Variants in LRRIQ1 observed in about 807,000 individuals in gnomAD.
LRRIQ1 encodes the protein leucine-rich repeat- and IQ domain-containing protein 1.
In LRRIQ1, 210 loss-of-function variants were observed where a neutral mutation model predicts 211.9. The ratio of observed to expected loss-of-function variants is 0.99; its 90% CI spans 0.89 to 1.11. LRRIQ1 has a LOEUF of 1.11. Among genes scored for constraint, LRRIQ1 ranks in the 50% most tolerant of loss-of-function variants. The pLI is 0.00. For synonymous variants in LRRIQ1, 699 were observed against 650.1 expected (o/e 1.08, Z -1.14); for missense variants, 2,136 against 1,939.5 (o/e 1.10, Z -1.90).
At chr12:85,145,352 T>C (rs965095193) in intron 19 of LRRIQ1, among the ~76,000 whole-genome samples, 3 of 151,686 alleles carry the variant, frequency 2.0e-5, no homozygotes, top group Non-Finnish European at 4.4e-5. Flanking sequence ...TTCCTTAGAT[T>C]GATTTGTTGC....
At chr12:85,158,737 T>C (rs1231691260) in intron 23 of LRRIQ1, among the ~76,000 whole-genome samples, 1 of 151,974 alleles carries the variant, frequency 6.6e-6, no homozygotes, top group Non-Finnish European at 1.5e-5. Flanking sequence ...AGATTTATGT[T>C]TATAAGGCAA....
intron 1 of LRRIQ1, among the ~76,000 whole-genome samples, chr12:85,257,211 A>G (rs1245124995): frequency 1.3e-3 from 3 of 2,256 alleles, no homozygotes; most frequent in Non-Finnish European, 2.7e-3. Context: ...ATATATATAT[A>G]AAGACTGGTT....
intron 26 of LRRIQ1, among the ~76,000 whole-genome samples, chr12:85,244,256 A>G (rs188389477): frequency 7.5e-4 from 113 of 151,570 alleles, no homozygotes; most frequent in Admixed American, 3.8e-3. Flanking sequence ...TTATCCCAAA[A>G]TTAGTATTAA....
intron 15 of LRRIQ1, among the ~76,000 whole-genome samples, chr12:85,112,179 T>C (rs1180340814): frequency 1.3e-5 from 2 of 152,036 alleles, no homozygotes; most frequent in African/African-American, 2.4e-5. Flanking sequence ...TATCCTTGGA[T>C]AGGACATTCT....
intron 25 of LRRIQ1, 91 bp downstream of exon 25, chr12:85,229,740 T>C (rs887008701): frequency 1.0e-5 from 14 of 1,348,270 alleles, no homozygotes; most frequent in Non-Finnish European, 1.1e-5. Flanking sequence ...CAAACATGAC[T>C]TTATTGCCAA....
At chr12:85,078,006 T>A (rs1883851883) in intron 11 of LRRIQ1, among the ~76,000 whole-genome samples, 1 of 151,036 alleles carries the variant, frequency 6.6e-6, no homozygotes, top group Non-Finnish European at 1.5e-5. Context: ...AAAAAATTGA[T>A]TAAAGACAAA....
downstream of LRRIQ1, among the ~76,000 whole-genome samples, chr12:85,248,858 A>G (rs1360391975): frequency 6.6e-6 from 1 of 151,712 alleles, no homozygotes; most frequent in African/African-American, 2.4e-5. Flanking sequence ...ATCATTGTGG[A>G]ATGTTGAAGA....
At chr12:85,198,815 G>T (rs1400813518) in intron 24 of LRRIQ1, among the ~76,000 whole-genome samples, 1 of 152,028 alleles carries the variant, frequency 6.6e-6, no homozygotes, top group African/African-American at 2.4e-5. Context: ...TGATCCACCC[G>T]CCTTGGCCTC....
At chr12:85,195,393 A>G (rs1892845351) in intron 24 of LRRIQ1, among the ~76,000 whole-genome samples, 1 of 152,018 alleles carries the variant, frequency 6.6e-6, no homozygotes, top group Non-Finnish European at 1.5e-5. Context: ...TTAGACCAAT[A>G]TCCTTGATGA....
intron 1 of LRRIQ1, among the ~76,000 whole-genome samples, chr12:85,261,080 G>A (rs1896271625): frequency 6.6e-6 from 1 of 152,168 alleles, no homozygotes; most frequent in Non-Finnish European, 1.5e-5. Context: ...TCTCTACTGA[G>A]ATTTGCCTTC....
intron 24 of LRRIQ1, among the ~76,000 whole-genome samples, chr12:85,203,655 G>A (rs1893403971): frequency 6.6e-6 from 1 of 152,114 alleles, no homozygotes; most frequent in Non-Finnish European, 1.5e-5. Context: ...AAAGAGACTG[G>A]TGGCATTGTG....
chr12:85,256,740 G>C (rs1896106354), intron 1 of LRRIQ1, among the ~76,000 whole-genome samples: 1 of 151,090 alleles, frequency 6.6e-6, no homozygotes, highest in African/African-American at 2.4e-5. Context: ...AACATTATGT[G>C]GCTCACAGAA....
chr12:85,064,288 C>A (rs1882186030), intron 8 of LRRIQ1, among the ~76,000 whole-genome samples: 1 of 151,732 alleles, frequency 6.6e-6, no homozygotes, highest in Non-Finnish European at 1.5e-5. Context: ...TAATAAGCAT[C>A]TTTTCAGATG....
intron 11 of LRRIQ1, among the ~76,000 whole-genome samples, chr12:85,090,062 C>T (rs1319690779): frequency 6.6e-6 from 1 of 152,246 alleles, no homozygotes; most frequent in Non-Finnish European, 1.5e-5. Context: ...CTAGCTCCAG[C>T]TGTGGCTCAA....
intron 24 of LRRIQ1, among the ~76,000 whole-genome samples, chr12:85,194,800 G>A (rs1446091201): frequency 6.6e-6 from 1 of 152,078 alleles, no homozygotes; most frequent in Non-Finnish European, 1.5e-5. Flanking sequence ...AAAGCTAGCA[G>A]AAGGCAAAAA....
intron 16 of LRRIQ1, among the ~76,000 whole-genome samples, chr12:85,123,286 G>A (rs1050831544): frequency 6.6e-6 from 1 of 151,542 alleles, no homozygotes; most frequent in Admixed American, 6.6e-5. Context: ...TTTATATACT[G>A]TATTTTTTCA....
chr12:85,036,932 C>T (rs1229564712), intron 1 of LRRIQ1, among the ~76,000 whole-genome samples: 1 of 152,036 alleles, frequency 6.6e-6, no homozygotes, highest in Non-Finnish European at 1.5e-5. Flanking sequence ...GAGACCCATC[C>T]ATGACTGCAC....
In LRRIQ1 at chr12:85,056,681, T is replaced by A. The variant is rs987195022; in HGVS notation, c.1888T>A (p.Leu630Ile). ...NSKDVRENVILQEKEIYSKSK... is the reference protein window; with the variant it reads ...NSKDVRENVIIQEKEIYSKSK... ...CAAAGATGTAAGAGAAAACGTAATA[T>A]TACAAGAAAAAGAAATTTATTCAAA... The change falls in exon 8 of 27, where the codon TTA becomes ATA. Residue 630 changes from leucine (L) to isoleucine (I), a missense_variant. Leu to Ile is a conservative substitution (Grantham distance 5). Coordinates refer to ENST00000393217, the MANE Select transcript of LRRIQ1 (RefSeq NM_001079910.2). 1 of 1,605,394 alleles carries A rather than the reference T, an allele frequency of 6.2e-7. No individual in the cohort carries two copies. Among genetic ancestry groups the A allele is most frequent in the Non-Finnish European group, 8.5e-7 (1 of 1,176,740 alleles).
At chr12:85,121,618 A>T (rs1887990717) in intron 15 of LRRIQ1, 79 bp from the exon 16 acceptor site, 11 of 988,236 alleles carry the variant, frequency 1.1e-5, no homozygotes, top group Non-Finnish European at 1.5e-5. Flanking sequence ...TATTATTTAA[A>T]TGATTAGTAT....
Sources: gnomAD v4.1 joint callset for allele counts (sites outside exome capture counted in the v4.1 genomes callset) on GRCh38, gnomAD v4.1.1 for gene constraint, MANE v1.5 for transcripts, NCBI Gene and HGNC (gene_info 2026-07-23, HGNC 2026-07-21) for gene names.